MARF1: variants seen among roughly 807,000 people sequenced by gnomAD.
MARF1 encodes meiosis regulator and mRNA stability factor 1.
Under a neutral mutation model 168.2 loss-of-function variants are expected in MARF1, and 24 were observed. That is an observed-to-expected ratio of 0.14 (90% CI 0.10 to 0.20). The LOEUF (loss-of-function observed/expected upper bound fraction) is 0.20. Ranked by LOEUF, MARF1 falls within the 10% of genes least tolerant of loss-of-function variation. The pLI, the probability that MARF1 is intolerant of heterozygous loss-of-function variation, is 1.00. For synonymous variants in MARF1, 868 were observed against 822.4 expected (o/e 1.06, Z -0.95); for missense variants, 1,744 against 2,143.6 (o/e 0.81, Z 3.68).
chr16:15,607,833 C>A (rs2151078354), intron 21 of MARF1, among the ~76,000 whole-genome samples: 1 of 152,198 alleles, frequency 6.6e-6, no homozygotes, highest in East Asian at 1.9e-4. Context: ...CTGCCAGTGA[C>A]AAAGGCCACT....
chr16:15,635,346 A>T (rs2035514840), intron 3 of MARF1: 10 of 431,084 alleles, frequency 2.3e-5, no homozygotes, highest in Non-Finnish European at 4.1e-6. Flanking sequence ...AGCTGAATGT[A>T]AGTTATAAAA....
At chr16:15,621,949 CCCAGAACCCTGTCGT>C (rs2034492537) in intron 11 of MARF1, 38 bp from the exon 12 acceptor site, 1 of 1,590,576 alleles carries the variant, frequency 6.3e-7, no homozygotes, top group African/African-American at 1.4e-5. Flanking sequence ...GCTATGTCCG[CCCAGAACCCTGTCGT>C]CTTAAAACTG....
chr16:15,618,969 C>T (rs1340183002), intron 13 of MARF1, among the ~76,000 whole-genome samples: 2 of 152,214 alleles, frequency 1.3e-5, no homozygotes, highest in Non-Finnish European at 2.9e-5. Flanking sequence ...TTTTACCTTG[C>T]TTGCTACATA....
intron 26 of MARF1, 104 bp downstream of exon 26, chr16:15,598,750 A>C (rs2032038355): frequency 2.7e-6 from 3 of 1,116,990 alleles, no homozygotes; most frequent in South Asian, 2.8e-5. Context: ...CCACCTGAAA[A>C]GGGGTAGTCC....
chr16:15,616,373 T>G (rs2034043319), intron 15 of MARF1, among the ~76,000 whole-genome samples: 1 of 152,230 alleles, frequency 6.6e-6, no homozygotes, highest in Admixed American at 6.5e-5. Context: ...AATGAACTTC[T>G]GAAGAATACT....
At chr16:15,638,948 G>T in intron 2 of MARF1, 142 bp downstream of exon 2, 1 of 642,596 alleles carries the variant, frequency 1.6e-6, no homozygotes, top group Non-Finnish European at 2.5e-6. Flanking sequence ...ATTATAATGT[G>T]GTATAAGAGG....
chr16:15,632,403 A>C (rs929606148), intron 5 of MARF1, among the ~76,000 whole-genome samples: 2 of 152,124 alleles, frequency 1.3e-5, no homozygotes, highest in Non-Finnish European at 2.9e-5. Flanking sequence ...TAGCAGCTGG[A>C]AGCCATAGTT....
chr16:15,616,901 G>A (rs746283318), intron 15 of MARF1, 151 bp downstream of exon 15: 4 of 1,114,710 alleles, frequency 3.6e-6, no homozygotes, highest in Non-Finnish European at 5.1e-6. Flanking sequence ...TTGTTATGTG[G>A]TGCATGACTG....
At position 15,631,438 on chromosome 16, in the gene MARF1, T is replaced by C. The variant is rs946889604; in HGVS notation, c.1294A>G (p.Ser432Gly). The C allele has an allele frequency of 6.2e-7, 1 of 1,613,344 alleles. No individual in the cohort carries two copies. Among genetic ancestry groups the C allele is most frequent in the African/African-American group, 1.3e-5 (1 of 74,918 alleles). Residue 432 changes from serine (S) to glycine (G), a missense_variant, in exon 6 of 27, where the codon AGT (serine) becomes GGT (glycine). Transcript: ENST00000396368. Reference sequence around the variant, plus strand: ...TGTGTATTTGCAAATCTGCGGAGACTCTGCCGCAGTTTATCATCAGCGGCA... The same window carrying C: ...TGTGTATTTGCAAATCTGCGGAGACCCTGCCGCAGTTTATCATCAGCGGCA... ...KNAADDKLRQ[S>G]LRRFANTHTA...
At position 15,612,780 on chromosome 16, in the gene MARF1, A is replaced by G; in HGVS notation, c.3254-3T>C. 6.2e-7 allele frequency: 1 copy of G among 1,612,018 alleles called. No individual in the cohort carries two copies. Among genetic ancestry groups the G allele is most frequent in the Non-Finnish European group, 8.5e-7 (1 of 1,178,214 alleles). Reference sequence around the variant, plus strand: ...CTTCGAACGCAGAAGCCAAGGGTCTAGAAGAAAAAGAACGTGTATAAGACA... The same window carrying G: ...CTTCGAACGCAGAAGCCAAGGGTCTGGAAGAAAAAGAACGTGTATAAGACA... On this transcript the variant is annotated splice_polypyrimidine_tract_variant and splice_region_variant and intron_variant, in intron 16 of 26. Coordinates refer to ENST00000396368, the MANE Select transcript of MARF1 (RefSeq NM_014647.4).
Position 15,617,499 on chromosome 16 carries a change from T to C in MARF1, c.2757A>G (p.Lys919=). The C allele has an allele frequency of 6.2e-7, 1 of 1,613,498 alleles. No homozygotes were observed. The highest frequency in any genetic ancestry group is 2.2e-5 in the East Asian group (1 of 44,880). ...CACGGATTGCGACCGTGTCTGTTAATTTATATAGATCTGACACATTCAACT... is the reference window on the plus strand; with the variant it reads ...CACGGATTGCGACCGTGTCTGTTAACTTATATAGATCTGACACATTCAACT... ...GHKLNVSDLY[K]LTDTVAIREQ... is the part of the protein sequence containing the mutation. The change falls in exon 14 of 27, where the codon AAA becomes AAG. Residue 919 remains lysine, a synonymous_variant. Coordinates refer to ENST00000396368, the MANE Select transcript of MARF1 (RefSeq NM_014647.4).
chr16:15,641,574 C>T (rs2035962679), intron 1 of MARF1, among the ~76,000 whole-genome samples: 1 of 152,156 alleles, frequency 6.6e-6, no homozygotes, highest in Non-Finnish European at 1.5e-5. Flanking sequence ...TTAGTATCTA[C>T]TATGCAGCAG....
chr16:15,600,627 G>A lies in MARF1; in HGVS notation c.4687+14C>T, dbSNP rs79236569. 81,019 of 1,613,896 alleles carry A rather than the reference G, an allele frequency of 0.05. 2,304 individuals are homozygous for A. The highest frequency in any genetic ancestry group is 0.061 in the South Asian group (5,594 of 91,088). ...GTGATTTTTTAAGGGGGGAGGGGATGGGTGCTTACTTACTTTTCATGTCAT... is the reference window on the plus strand; with the variant it reads ...GTGATTTTTTAAGGGGGGAGGGGATAGGTGCTTACTTACTTTTCATGTCAT... On this transcript the variant is annotated intron_variant, in intron 24 of 26. Coordinates refer to ENST00000396368, the MANE Select transcript of MARF1 (RefSeq NM_014647.4).
At chr16:15,609,828 C>T in intron 19 of MARF1, 103 bp from the exon 20 acceptor site, 1 of 940,438 alleles carries the variant, frequency 1.1e-6, no homozygotes, top group Non-Finnish European at 1.6e-6. Flanking sequence ...TAAACGATAT[C>T]ATCCTTGCCT....
At position 15,625,246 on chromosome 16, in the gene MARF1, ATTGACT is replaced by A. The variant is rs2034764574; in HGVS notation, c.1954-79_1954-74del. On this transcript the variant is annotated intron_variant, in intron 8 of 26. Coordinates refer to ENST00000396368, the MANE Select transcript of MARF1 (RefSeq NM_014647.4). ...TGTGTTAGATCCTTTACAGAAAACG[ATTGACT>A]TTGAGTATCATCAAACACTGAAATC... 1.9e-6 allele frequency: 3 copies of A among 1,573,442 alleles called. No individual in the cohort carries two copies. The South Asian group carries it at 3.5e-5, about 18-fold the overall frequency.
At chr16:15,640,734 A>G (rs2035893797) in intron 1 of MARF1, among the ~76,000 whole-genome samples, 1 of 152,230 alleles carries the variant, frequency 6.6e-6, no homozygotes, top group African/African-American at 2.4e-5. Flanking sequence ...TTAAAATGTC[A>G]GTGTCCATAA....
chr16:15,595,420 T>C lies in MARF1; in HGVS notation c.*1273A>G, dbSNP rs2150990642. 6.5e-6 allele frequency: 1 copy of C among 152,776 alleles called. No individual in the cohort carries two copies. The highest frequency in any genetic ancestry group is 2.1e-4 in the South Asian group (1 of 4,826). The allele number at this position is 152,776 out of a possible 1,614,324, so 9.5% of individuals were successfully genotyped here. Reference sequence around the variant, plus strand: ...TGGAAGACCTTACGCCAACAGGTTCTTTCTGCTCTATGAATGAATCCGCCT... The same window carrying C: ...TGGAAGACCTTACGCCAACAGGTTCCTTCTGCTCTATGAATGAATCCGCCT... On this transcript the variant is annotated 3_prime_UTR_variant, in exon 27 of 27. Transcript: ENST00000396368.
Position 15,624,883 on chromosome 16 carries a change from T to G in MARF1, c.2156A>C (p.Glu719Ala), listed in dbSNP as rs918287015. 3 of 1,614,090 alleles carry G rather than the reference T, an allele frequency of 1.9e-6. No individual in the cohort carries two copies. The African/African-American group carries it at 4.0e-5, about 22-fold the overall frequency. ...TACAGTCTCCTCTTTATCTTTTTTCTCTACAGGAGAACTGGTAACACTTCG... is the reference window on the plus strand; with the variant it reads ...TACAGTCTCCTCTTTATCTTTTTTCGCTACAGGAGAACTGGTAACACTTCG... ...SARSVTSSPV[E>A]KKDKEETVFQ... The change falls in exon 10 of 27, where the codon GAG becomes GCG. Residue 719 changes from glutamate (E) to alanine (A), a missense_variant. Around this residue, in one of 7 missense-constraint regions of MARF1, gnomAD observed 270 missense variants for 260.6 expected, o/e 1.04. Transcript: ENST00000396368.
At chr16:15,611,204 A>C (rs1396808764) in intron 18 of MARF1, 96 bp from the exon 19 acceptor site, 1 of 1,224,152 alleles carries the variant, frequency 8.2e-7, no homozygotes, top group Non-Finnish European at 1.2e-6. Context: ...CACGCCTGTA[A>C]TCCCAGCACT....
Sources: allele counts gnomAD v4.1 joint callset (sites outside exome capture counted in the v4.1 genomes callset), GRCh38; gene constraint gnomAD v4.1.1; regional missense constraint gnomAD v4.1.1; transcripts MANE v1.5; gene names NCBI Gene and HGNC (gene_info 2026-07-23, HGNC 2026-07-21).